Variants in DTWD2 observed in about 807,000 individuals in gnomAD.
DTWD2 encodes the protein tRNA-uridine aminocarboxypropyltransferase 2.
In DTWD2, 39 loss-of-function variants were observed where a neutral mutation model predicts 31.8. That is an observed-to-expected ratio of 1.22 (90% CI 0.95 to 1.60). The LOEUF is 1.60. Among genes scored for constraint, DTWD2 ranks in the 40% most tolerant of loss-of-function variants. DTWD2 has a pLI of 0.00. For synonymous variants in DTWD2, 180 were observed against 142.8 expected (o/e 1.26, Z -1.86); for missense variants, 515 against 381.5 (o/e 1.35, Z -2.92).
intron 2 of DTWD2, among the ~76,000 whole-genome samples, chr5:118,940,980 A>G (rs1754165331): frequency 1.3e-5 from 2 of 152,148 alleles, no homozygotes; most frequent in African/African-American, 4.8e-5. Context: ...TTTTTGAGAT[A>G]GCTTTTCTAT....
chr5:118,976,433 A>G (rs1755161480), intron 1 of DTWD2, among the ~76,000 whole-genome samples: 1 of 152,182 alleles, frequency 6.6e-6, no homozygotes, highest in Non-Finnish European at 1.5e-5. Context: ...CAAAATAGAT[A>G]GACTGCTAGC....
chr5:118,867,479 T>C (rs1752403719), intron 4 of DTWD2, among the ~76,000 whole-genome samples: 1 of 152,216 alleles, frequency 6.6e-6, no homozygotes, highest in Admixed American at 6.5e-5. Flanking sequence ...GCAGAATGAT[T>C]AAAAACTCTC....
chr5:118,930,766 A>G (rs924840517), intron 3 of DTWD2, among the ~76,000 whole-genome samples: 1 of 152,236 alleles, frequency 6.6e-6, no homozygotes, highest in African/African-American at 2.4e-5. Flanking sequence ...TATTTCATTT[A>G]TATGGAATAT....
chr5:118,861,971 C>T (rs892851860), intron 4 of DTWD2, among the ~76,000 whole-genome samples: 1 of 152,124 alleles, frequency 6.6e-6, no homozygotes, highest in Non-Finnish European at 1.5e-5. Flanking sequence ...GCCAGGGATC[C>T]CCAGCCCCCA....
rs1348978660 is a variant in DTWD2, at chr5:118,837,388, T to C, written c.*3529A>G. 6.6e-6 allele frequency: 1 copy of C among 152,230 alleles called. No individual in the cohort carries two copies. The highest frequency in any genetic ancestry group is 1.5e-5 in the Non-Finnish European group (1 of 68,028). The allele number at this position is 152,230 out of a possible 1,614,324, so 9.4% of individuals were successfully genotyped here. A position where few individuals can be genotyped will look rare whatever the true frequency, so the allele number is the denominator to read the frequency against. On this transcript the variant is annotated 3_prime_UTR_variant, in exon 6 of 6. Transcript: ENST00000510708. The stretch of plus-strand genomic sequence containing the variant: ...CCTATTTTAAAGAAATACATCTACA[T>C]AGTAAAATACAGTTTTGTAAAACTT...
intron 4 of DTWD2, among the ~76,000 whole-genome samples, chr5:118,907,675 G>A (rs1434566222): frequency 1.3e-5 from 2 of 151,640 alleles, no homozygotes; most frequent in Non-Finnish European, 2.9e-5. Context: ...AGACTGCAGT[G>A]AGCCAAGATT....
At chr5:118,880,839 G>GTTA (rs1426746239) in intron 4 of DTWD2, among the ~76,000 whole-genome samples, 5 of 152,096 alleles carry the variant, frequency 3.3e-5, no homozygotes, top group Admixed American at 1.3e-4. Flanking sequence ...GTTTGAAGAA[G>GTTA]TATTTTGTTT....
chr5:118,859,010 C>G (rs867647970), intron 4 of DTWD2, among the ~76,000 whole-genome samples: 7 of 152,110 alleles, frequency 4.6e-5, no homozygotes, highest in African/African-American at 1.4e-4. Flanking sequence ...GTCATCCCAC[C>G]TTTAGTGGTG....
chr5:118,928,630 A>C lies in DTWD2; in HGVS notation c.504T>G (p.Pro168=). Residue 168 remains proline (P), a synonymous_variant, in exon 4 of 6, where the codon CCT becomes CCG. Coordinates refer to ENST00000510708, the MANE Select transcript of DTWD2 (RefSeq NM_173666.4). The part of the protein sequence containing the change: ...ANLEEFILDS[P]VYPSTIIIID... ...TGATGATGATTGTAGAAGGATAAACAGGAGAATCTAATATAAATTCTTCCA... is the reference window on the plus strand; with the variant it reads ...TGATGATGATTGTAGAAGGATAAACCGGAGAATCTAATATAAATTCTTCCA... The C allele has an allele frequency of 6.2e-7, 1 of 1,603,636 alleles. No homozygotes were observed. The highest frequency in any genetic ancestry group is 1.1e-5 in the South Asian group (1 of 88,414).
chr5:118,913,424 TATATATATACAC>T (rs1561452987), intron 4 of DTWD2, among the ~76,000 whole-genome samples: 2 of 138,868 alleles, frequency 1.4e-5, no homozygotes, highest in Non-Finnish European at 3.1e-5. Context: ...TATATAGATA[TATATATATACAC>T]ACACACACAC....
At chr5:118,889,301 T>C (rs1023352684) in intron 4 of DTWD2, among the ~76,000 whole-genome samples, 9 of 152,026 alleles carry the variant, frequency 5.9e-5, no homozygotes, top group African/African-American at 1.9e-4. Flanking sequence ...AGAATCCATA[T>C]AAAGCTAATA....
intron 4 of DTWD2, among the ~76,000 whole-genome samples, chr5:118,886,778 T>A (rs1383568350): frequency 2.0e-5 from 3 of 152,198 alleles, no homozygotes; most frequent in African/African-American, 4.8e-5. Context: ...TGCATGTGAA[T>A]CTACAATTAT....
chr5:118,924,217 GTATCTCCTAGCAGGAGGATATT>G lies in DTWD2; in HGVS notation c.597+4298_597+4319del, dbSNP rs560787164. On this transcript the variant is annotated intron_variant, in intron 4 of 5. Transcript: ENST00000510708. ...CTAAGCATGTCATATCCTACTGGAA[GTATCTCCTAGCAGGAGGATATT>G]AATCTCCTGCTTCCTACAGATAATT... Among the ~76,000 whole-genome samples, 26 of 152,340 alleles carry G rather than the reference GTATCTCCTAGCAGGAGGATATT, an allele frequency of 1.7e-4. 1 individual carries two copies. Among genetic ancestry groups the G allele is most frequent in the Admixed American group, 1.2e-3 (18 of 15,306 alleles).
intron 4 of DTWD2, among the ~76,000 whole-genome samples, chr5:118,885,990 C>CAA (rs545293192): frequency 1.3e-5 from 2 of 151,856 alleles, no homozygotes; most frequent in African/African-American, 4.8e-5. Flanking sequence ...CACACACACA[C>CAA]AAAAAAACTT....
At chr5:118,879,478 C>A (rs1191588890) in intron 4 of DTWD2, among the ~76,000 whole-genome samples, 1 of 151,800 alleles carries the variant, frequency 6.6e-6, no homozygotes, top group Admixed American at 6.6e-5. Flanking sequence ...GGCATGGAGG[C>A]GCACACCTGT....
intron 1 of DTWD2, 51 bp from the exon 2 acceptor site, chr5:118,944,700 TA>T: frequency 6.4e-7 from 1 of 1,563,952 alleles, no homozygotes; most frequent in Non-Finnish European, 8.7e-7. Flanking sequence ...AATACAATGA[TA>T]TAACAATTTT....
chr5:118,974,630 G>A, intron 1 of DTWD2: 1 of 506,372 alleles, frequency 2.0e-6, no homozygotes, highest in Non-Finnish European at 4.0e-6. Flanking sequence ...TATGTACTTA[G>A]CTGTACTATA....
intron 1 of DTWD2, among the ~76,000 whole-genome samples, chr5:118,964,071 G>A (rs541139039): frequency 3.9e-5 from 6 of 152,094 alleles, no homozygotes; most frequent in South Asian, 2.1e-4. Flanking sequence ...TTAGCCAGGC[G>A]TGGTGGCTCA....
chr5:118,847,292 A>C (rs1402083662), intron 5 of DTWD2, among the ~76,000 whole-genome samples: 2 of 152,130 alleles, frequency 1.3e-5, no homozygotes, highest in Non-Finnish European at 2.9e-5. Context: ...GTGTGCATCC[A>C]TGTGTTCATG....
Sources: allele counts gnomAD v4.1 joint callset (sites outside exome capture counted in the v4.1 genomes callset), GRCh38; gene constraint gnomAD v4.1.1; transcripts MANE v1.5; gene names NCBI Gene and HGNC (gene_info 2026-07-23, HGNC 2026-07-21).